The following METTL8 variants were observed in gnomAD, a reference collection of about 807,000 sequenced individuals.
METTL8 encodes tRNA N(3)-cytidine methyltransferase METTL8, mitochondrial.
METTL8 carries 32 observed loss-of-function variants against 48.7 expected under a neutral mutation model. That is an observed-to-expected ratio of 0.66 (90% CI 0.50 to 0.88). METTL8 has a LOEUF of 0.88. Among genes scored for constraint, METTL8 ranks in the 40% least tolerant of loss-of-function variants. The pLI is 0.00. For missense variants in METTL8, 464 were observed against 474.4 expected, an observed-to-expected ratio of 0.98 and a Z score of 0.20; for synonymous variants, 136 against 157.1, an observed-to-expected ratio of 0.87 and a Z score of 1.01.
chr2:171,370,382 T>C (rs963819650), intron 2 of METTL8, among the ~76,000 whole-genome samples: 2 of 152,232 alleles, frequency 1.3e-5, no homozygotes, highest in Admixed American at 6.5e-5. Context: ...TATTAGCAAG[T>C]AATGCTTTTC....
intron 1 of METTL8, among the ~76,000 whole-genome samples, chr2:171,417,784 C>T (rs1466828985): frequency 6.6e-6 from 1 of 152,182 alleles, no homozygotes; most frequent in African/African-American, 2.4e-5. Context: ...ATAGTTTCCC[C>T]CACTATTAAA....
chr2:171,356,092 A>G (rs1254054337), intron 3 of METTL8, among the ~76,000 whole-genome samples: 1 of 152,072 alleles, frequency 6.6e-6, no homozygotes, highest in Non-Finnish European at 1.5e-5. Context: ...AGCTGTTCCT[A>G]TTTGGCCATC....
chr2:171,400,786 T>C (rs1258713257), intron 1 of METTL8, among the ~76,000 whole-genome samples: 1 of 152,164 alleles, frequency 6.6e-6, no homozygotes, highest in African/African-American at 2.4e-5. Context: ...GACTGCTTTC[T>C]TGCATTTTAA....
rs138987026 is a variant in METTL8, at chr2:171,349,914, C to T, written c.236-10360G>A. Among the ~76,000 whole-genome samples, 952 of 151,942 alleles carry T rather than the reference C, an allele frequency of 6.3e-3. 5 individuals carry two copies. The highest frequency in any genetic ancestry group is 0.01 in the Non-Finnish European group (693 of 67,942). ...TCAGAGTACATGTGATAATTTAATA[C>T]CTTCTAATCAGTGTAACTGGTATAT... On this transcript the variant is annotated intron_variant, in intron 3 of 9. Coordinates refer to ENST00000375258, the MANE Select transcript of METTL8 (RefSeq NM_001321154.2).
chr2:171,338,623 A>G (rs1482668742), intron 4 of METTL8, among the ~76,000 whole-genome samples: 1 of 151,540 alleles, frequency 6.6e-6, no homozygotes, highest in Non-Finnish European at 1.5e-5. Flanking sequence ...CCGGGCAACA[A>G]GAACAAAAGT....
At position 171,316,542 on chromosome 2, in the gene METTL8, C is replaced by T. The variant is rs996753684; in HGVS notation, c.*7630G>A. On this transcript the variant is annotated 3_prime_UTR_variant, in exon 10 of 10. Coordinates refer to ENST00000375258, the MANE Select transcript of METTL8 (RefSeq NM_001321154.2). ...CACTAATCTCCAGAGCCCAGGTGTT[C>T]TATTAAGAAACAAAGCTGCAAATGA... Among the ~76,000 whole-genome samples the T allele has an allele frequency of 1.3e-5, 2 of 152,088 alleles. No individual in the cohort carries two copies. The highest frequency in any genetic ancestry group is 2.9e-5 in the Non-Finnish European group (2 of 68,020).
intron 2 of METTL8, among the ~76,000 whole-genome samples, chr2:171,378,410 G>C (rs1230100716): frequency 6.6e-6 from 1 of 152,102 alleles, no homozygotes; most frequent in Non-Finnish European, 1.5e-5. Flanking sequence ...GAGGTGGGTG[G>C]ATCATGAGGT....
intron 2 of METTL8, among the ~76,000 whole-genome samples, chr2:171,362,257 G>A (rs1251902199): frequency 6.6e-6 from 1 of 152,084 alleles, no homozygotes; most frequent in Non-Finnish European, 1.5e-5. Context: ...TGACTAAAGT[G>A]GTAGCTATGG....
intron 1 of METTL8, among the ~76,000 whole-genome samples, chr2:171,407,766 G>A (rs1194906604): frequency 6.6e-6 from 1 of 152,236 alleles, no homozygotes; most frequent in Non-Finnish European, 1.5e-5. Flanking sequence ...TAGGAGCCAT[G>A]TATAACTGCT....
chr2:171,381,229 T>C (rs1205917699), intron 2 of METTL8, among the ~76,000 whole-genome samples: 1 of 152,206 alleles, frequency 6.6e-6, no homozygotes, highest in East Asian at 1.9e-4. Context: ...CCGGACTCCT[T>C]CCTTAGACCT....
At chr2:171,424,796 T>C (rs1215339483) in intron 1 of METTL8, among the ~76,000 whole-genome samples, 1 of 152,158 alleles carries the variant, frequency 6.6e-6, no homozygotes, top group Non-Finnish European at 1.5e-5. Context: ...GGAATAAGAC[T>C]TTGGGAGACA....
intron 1 of METTL8, among the ~76,000 whole-genome samples, chr2:171,392,740 C>A (rs745530567): frequency 4.6e-5 from 7 of 152,002 alleles, no homozygotes; most frequent in Non-Finnish European, 8.8e-5. Context: ...TTCTAACAAT[C>A]CTGTATACAT....
Position 171,330,708 on chromosome 2 carries a change from T to C in METTL8, c.721-10A>G, listed in dbSNP as rs1480769972. 4.4e-6 allele frequency: 7 copies of C among 1,597,788 alleles called. No homozygotes were observed. In the Admixed American group the frequency reaches 8.9e-5, roughly 20 times the overall value. ...TGTAGGACGAGTGTGACTGTCATGA[T>C]AAAGGAACAGAAAGCAAAAAGAGGA... On this transcript the variant is annotated splice_polypyrimidine_tract_variant and intron_variant, in intron 6 of 9. Transcript: ENST00000375258.
intron 1 of METTL8, among the ~76,000 whole-genome samples, chr2:171,403,192 T>C (rs1466869129): frequency 1.3e-5 from 2 of 152,002 alleles, no homozygotes; most frequent in Non-Finnish European, 2.9e-5. Context: ...GGGGGAAAAA[T>C]AACTCTGCAG....
intron 1 of METTL8, among the ~76,000 whole-genome samples, chr2:171,431,552 A>G (rs990722572): frequency 6.6e-6 from 1 of 152,230 alleles, no homozygotes; most frequent in Non-Finnish European, 1.5e-5. Flanking sequence ...TTGTTGCTCA[A>G]TAAAACTCTT....
chr2:171,411,941 C>T (rs1460540289), intron 1 of METTL8, among the ~76,000 whole-genome samples: 1 of 152,072 alleles, frequency 6.6e-6, no homozygotes, highest in Non-Finnish European at 1.5e-5. Context: ...TAGAAATGAC[C>T]TCAGCAGGAA....
intron 6 of METTL8, 129 bp from the exon 7 acceptor site, chr2:171,330,827 C>T: frequency 2.9e-6 from 2 of 700,648 alleles, no homozygotes; most frequent in Non-Finnish European, 2.3e-6. Context: ...AGTCTGAACA[C>T]TTTTTTCCAA....
intron 9 of METTL8, among the ~76,000 whole-genome samples, chr2:171,325,139 A>AAT (rs1281332332): frequency 6.6e-6 from 1 of 151,648 alleles, no homozygotes; most frequent in Non-Finnish European, 1.5e-5. Context: ...AAAAAAAAAA[A>AAT]AAGAGAAATC....
chr2:171,365,163 A>C (rs1204321134), intron 2 of METTL8, among the ~76,000 whole-genome samples: 1 of 152,170 alleles, frequency 6.6e-6, no homozygotes, highest in African/African-American at 2.4e-5. Flanking sequence ...CCCCAAGAGC[A>C]TAACAGCTCC....
Sources: allele counts gnomAD v4.1 joint callset (sites outside exome capture counted in the v4.1 genomes callset), GRCh38; gene constraint gnomAD v4.1.1; transcripts MANE v1.5; gene names NCBI Gene and HGNC (gene_info 2026-07-23, HGNC 2026-07-21).